Variants in FAM228B observed in about 807,000 individuals in gnomAD.
The protein encoded by FAM228B is protein FAM228B.
Under a neutral mutation model 42.6 loss-of-function variants are expected in FAM228B, and 38 were observed. That is an observed-to-expected ratio of 0.89 (90% CI 0.69 to 1.17). The LOEUF (loss-of-function observed/expected upper bound fraction) is 1.17. Ranked by LOEUF, FAM228B falls within the 50% of genes most tolerant of loss-of-function variation. The probability of loss-of-function intolerance (pLI) is 0.00; values close to 1 mark genes in which losing one functional copy is unlikely to be tolerated. For missense variants in FAM228B, 344 were observed against 367.3 expected (o/e 0.94, Z 0.52); for synonymous variants, 109 against 122.3 (o/e 0.89, Z 0.72).
At chr2:24,162,804 A>G (rs1006295958) in intron 8 of FAM228B, among the ~76,000 whole-genome samples, 8 of 152,240 alleles carry the variant, frequency 5.3e-5, no homozygotes, top group African/African-American at 1.9e-4. Flanking sequence ...CATTGTACTC[A>G]GTGAAGGAAG....
At chr2:24,094,815 G>T (rs752497985) in intron 2 of FAM228B, among the ~76,000 whole-genome samples, 18 of 152,148 alleles carry the variant, frequency 1.2e-4, no homozygotes, top group Non-Finnish European at 2.1e-4. Context: ...CAATTGGGCC[G>T]GGTGCGGTGA....
intron 3 of FAM228B, among the ~76,000 whole-genome samples, chr2:24,103,705 A>G (rs1250493310): frequency 1.3e-5 from 2 of 152,236 alleles, no homozygotes; most frequent in Admixed American, 1.3e-4. Context: ...TGAGCTGCCA[A>G]GAGGCTTCAC....
Position 24,139,359 on chromosome 2 carries a change from C to T in FAM228B, c.361-11C>T. 6.7e-7 allele frequency: 1 copy of T among 1,498,324 alleles called. No homozygotes were observed. The highest frequency in any genetic ancestry group is 9.1e-7 in the Non-Finnish European group (1 of 1,103,850). The allele number at this position is 1,498,324 out of a possible 1,614,324, so 92.8% of individuals were successfully genotyped here. The stretch of plus-strand genomic sequence containing the variant: ...CTTGTTCTTGTGTATCGTTTTATTT[C>T]CTTGCTATAGGGAAATGCATTTATA... On this transcript the variant is annotated splice_polypyrimidine_tract_variant and intron_variant, in intron 4 of 10. Transcript: ENST00000615575.
At chr2:24,100,334 C>A (rs1313856283) in intron 3 of FAM228B, among the ~76,000 whole-genome samples, 1 of 152,120 alleles carries the variant, frequency 6.6e-6, no homozygotes, top group Admixed American at 6.6e-5. Flanking sequence ...AACAGGCAAC[C>A]TACAGAATGG....
intron 2 of FAM228B, among the ~76,000 whole-genome samples, chr2:24,093,689 C>A (rs1283767078): frequency 6.1e-5 from 9 of 148,468 alleles, no homozygotes; most frequent in Non-Finnish European, 1.0e-4. Context: ...AATCTTGGCT[C>A]ACTGCAACCT....
intron 5 of FAM228B, chr2:24,142,513 G>T (rs1283365531): frequency 6.6e-6 from 1 of 152,210 alleles, no homozygotes; most frequent in East Asian, 1.9e-4. Context: ...GATGAAATGG[G>T]AGTATGCGAA....
rs553797045 is a variant in FAM228B at position 24,169,193 on chromosome 2, C to G, written c.*15-163C>G. Among the ~76,000 whole-genome samples the G allele has an allele frequency of 5.8e-4, 89 of 152,318 alleles. No homozygotes were observed. In the Middle Eastern group the frequency reaches 0.01, roughly 17 times the overall value. The stretch of plus-strand genomic sequence containing the variant: ...CAGACAGCGCGAGGAAAGGCTGAGG[C>G]AGGAGGCCTAGGTGGAGACCCTGCC... On this transcript the variant is annotated intron_variant, in intron 10 of 10. Transcript: ENST00000615575. The surrounding 1 kb of genome is among the most constrained non-coding windows in gnomAD (Gnocchi z 4.2).
At chr2:24,158,367 A>G (rs1667209613) in intron 7 of FAM228B, among the ~76,000 whole-genome samples, 1 of 151,340 alleles carries the variant, frequency 6.6e-6, no homozygotes, top group South Asian at 2.1e-4. Context: ...CACAGTTTGC[A>G]CCTGTTTACT....
Position 24,167,642 on chromosome 2 carries a change from T to A in FAM228B, c.948T>A (p.Arg316=), listed in dbSNP as rs1667457551. Residue 316 remains arginine, a synonymous_variant, in exon 10 of 11, where the codon CGT becomes CGA. Transcript: ENST00000615575. ...EEDQDGSPSP[R]LGLLKLEL is the part of the protein sequence containing the mutation. ...TTCATTTAAGGTCTCCCTCCCCGCG[T>A]TTGGGGCTGCTGAAGCTGGAGCTAT... 1 of 1,551,504 alleles carries A rather than the reference T, an allele frequency of 6.4e-7. No individual in the cohort carries two copies. Among genetic ancestry groups the A allele is most frequent in the Non-Finnish European group, 8.7e-7 (1 of 1,146,920 alleles).
chr2:24,150,085 T>C (rs1168324164), intron 7 of FAM228B, among the ~76,000 whole-genome samples: 2 of 150,776 alleles, frequency 1.3e-5, no homozygotes, highest in African/African-American at 4.9e-5. Flanking sequence ...TTATTTTTGA[T>C]TGGTTCATCA....
intron 7 of FAM228B, among the ~76,000 whole-genome samples, chr2:24,158,010 TG>T (rs2151029209): frequency 6.6e-6 from 1 of 152,214 alleles, no homozygotes; most frequent in South Asian, 2.1e-4. Flanking sequence ...GTCATGTTAC[TG>T]CCCAACTTAA....
At chr2:24,122,354 C>T, upstream of FAM228B, 1 of 1,191,712 alleles carries the variant, frequency 8.4e-7, no homozygotes, top group Admixed American at 2.1e-5. Flanking sequence ...ATGTCTGCTT[C>T]ATTTTTTGGA....
chr2:24,077,875 G>A lies in FAM228B; in HGVS notation c.-290+906G>A, dbSNP rs935563046. ...GCCACGTATCTGAAAAAGCACACAG[G>A]GACACTTAACCCCTCACTTCCTAGC... On this transcript the variant is annotated intron_variant, in intron 1 of 10. Transcript: ENST00000613899. The surrounding 1 kb of genome is among the most constrained non-coding windows in gnomAD (Gnocchi z 5.5). 6.4e-5 allele frequency: 75 copies of A among 1,172,130 alleles called. No homozygotes were observed. The East Asian group carries it at 1.8e-3, about 28-fold the overall frequency. The allele number at this position is 1,172,130 out of a possible 1,614,324, so 72.6% of individuals were successfully genotyped here. A position where few individuals can be genotyped will look rare whatever the true frequency, so the allele number is the denominator to read the frequency against.
upstream of FAM228B, chr2:24,121,102 A>C (rs1666100484): frequency 6.3e-7 from 1 of 1,594,654 alleles, no homozygotes; most frequent in East Asian, 2.2e-5. Context: ...AGGCAGAGCA[A>C]GGAAATTTGG....
At position 24,084,215 on chromosome 2, in the gene FAM228B, C is replaced by A; in HGVS notation, c.-210+3260C>A. The A allele has an allele frequency of 6.2e-7, 1 of 1,613,668 alleles. No homozygotes were observed. The highest frequency in any genetic ancestry group is 8.5e-7 in the Non-Finnish European group (1 of 1,179,882). Reference sequence around the variant, plus strand: ...TGCATTAAGTCCGCCCGGTTCAGGGCGCTGGCCGCCACCTTCAGGAGGACT... The same window carrying A: ...TGCATTAAGTCCGCCCGGTTCAGGGAGCTGGCCGCCACCTTCAGGAGGACT... On this transcript the variant is annotated intron_variant, in intron 2 of 10. Coordinates refer to the FAM228B transcript ENST00000613899. The surrounding 1 kb of genome is among the most constrained non-coding windows in gnomAD (Gnocchi z 8.4).
At chr2:24,089,999 C>T (rs529948449) in intron 2 of FAM228B, among the ~76,000 whole-genome samples, 2 of 139,074 alleles carry the variant, frequency 1.4e-5, no homozygotes, top group East Asian at 2.1e-4. Context: ...AAACGCCGGG[C>T]GCAGTGACTC....
At chr2:24,099,351 A>G (rs1301372822) in intron 3 of FAM228B, among the ~76,000 whole-genome samples, 1 of 152,242 alleles carries the variant, frequency 6.6e-6, no homozygotes, top group East Asian at 1.9e-4. Flanking sequence ...TGCAGATGAC[A>G]TGATTGTATA....
intron 1 of FAM228B, 57 bp from the exon 2 acceptor site, chr2:24,124,269 TAAAC>T: frequency 3.5e-6 from 3 of 853,890 alleles, no homozygotes; most frequent in South Asian, 3.5e-5. Context: ...CAGGTGGTAT[TAAAC>T]AGAAGAGAAA....
chr2:24,104,640 C>T (rs143607958), intron 3 of FAM228B, among the ~76,000 whole-genome samples: 1 of 152,212 alleles, frequency 6.6e-6, no homozygotes, highest in East Asian at 1.9e-4. Context: ...GGGAAACACC[C>T]GAACAGCAGA....
Sources: gnomAD v4.1 joint callset for allele counts (sites outside exome capture counted in the v4.1 genomes callset) on GRCh38, gnomAD v4.1.1 for gene constraint, Gnocchi (gnomAD v3.1) non-coding constraint, MANE v1.5 for transcripts, NCBI Gene and HGNC (gene_info 2026-07-23, HGNC 2026-07-21) for gene names.